Variants in GABRA3 observed in about 807,000 individuals in gnomAD.
GABRA3 encodes gamma-aminobutyric acid receptor subunit alpha-3.
In GABRA3, 10 loss-of-function variants were observed where a neutral mutation model predicts 30.1. The observed-to-expected ratio is 0.33, with a 90% CI of 0.20 to 0.56. GABRA3 has a LOEUF of 0.56. Ranked by LOEUF, GABRA3 falls within the 20% of genes least tolerant of loss-of-function variation. The probability of loss-of-function intolerance (pLI) is 0.89; values close to 1 mark genes in which losing one functional copy is unlikely to be tolerated. For synonymous variants in GABRA3, 151 were observed against 146.8 expected, an observed-to-expected ratio of 1.03 and a Z score of -0.21; for missense variants, 233 against 392.0, an observed-to-expected ratio of 0.59 and a Z score of 3.42.
At chrX:152,347,577 T>C (rs1244371358) in intron 2 of GABRA3, among the ~76,000 whole-genome samples, 2 of 111,188 alleles carry the variant, frequency 1.8e-5, no homozygotes, top group Non-Finnish European at 3.8e-5. Flanking sequence ...TATCAAAACA[T>C]CTCACGCACC....
chrX:152,334,758 C>A (rs866554055), intron 3 of GABRA3, among the ~76,000 whole-genome samples: 5 of 108,000 alleles, frequency 4.6e-5, no homozygotes, highest in South Asian at 7.9e-4. Context: ...TACATAAAAT[C>A]AAAAAAAAAT....
chrX:152,273,013 G>A lies in GABRA3; in HGVS notation c.330+11655C>T, dbSNP rs1166220426. The stretch of plus-strand genomic sequence containing the variant: ...CTTGGGCAGTTCTTTATAGCAGCAG[G>A]AGAATGGACTAACACACCATCTGAC... On this transcript the variant is annotated intron_variant, in intron 4 of 9. Coordinates refer to ENST00000370314, the MANE Select transcript of GABRA3 (RefSeq NM_000808.4). 2.7e-5 allele frequency among the ~76,000 whole-genome samples: 3 copies of A among 111,500 alleles called. No homozygotes were observed. The East Asian group carries it at 8.4e-4, about 31-fold the overall frequency.
intron 9 of GABRA3, among the ~76,000 whole-genome samples, chrX:152,169,493 G>A (rs956646396): frequency 8.9e-6 from 1 of 112,042 alleles, no homozygotes; most frequent in African/African-American, 3.2e-5. Context: ...ATGAACTTGT[G>A]TATACAGAGA....
intron 3 of GABRA3, among the ~76,000 whole-genome samples, chrX:152,290,271 G>A (rs1472669425): frequency 8.9e-6 from 1 of 112,235 alleles, no homozygotes. Context: ...CAGTGATGAT[G>A]AGCATTTTTT....
intron 4 of GABRA3, among the ~76,000 whole-genome samples, chrX:152,261,339 C>T (rs765271654): frequency 2.5e-4 from 28 of 111,664 alleles, no homozygotes; most frequent in African/African-American, 8.8e-4. Context: ...TCCCCAAATT[C>T]TTAACTAACT....
At chrX:152,362,547 A>G (rs1928537784) in intron 2 of GABRA3, among the ~76,000 whole-genome samples, 1 of 111,703 alleles carries the variant, frequency 9.0e-6, no homozygotes, top group African/African-American at 3.3e-5. Flanking sequence ...TAAATAGGGT[A>G]GGTATGGTCA....
chrX:152,206,424 G>C, intron 7 of GABRA3, among the ~76,000 whole-genome samples: 1 of 111,954 alleles, frequency 8.9e-6, no homozygotes, highest in Middle Eastern at 4.6e-3. Context: ...GGGACAGGAG[G>C]GTGTGTGAAA....
intron 3 of GABRA3, 89 bp downstream of exon 3, chrX:152,345,492 A>C (rs1940377194): frequency 1.0e-6 from 1 of 989,864 alleles, no homozygotes; most frequent in Non-Finnish European, 1.4e-6. Context: ...TGGCCAATAG[A>C]CTACTGAAGG....
intron 3 of GABRA3, among the ~76,000 whole-genome samples, chrX:152,290,726 A>C (rs192757335): frequency 1.8e-3 from 200 of 111,955 alleles, no homozygotes; most frequent in Middle Eastern, 4.6e-3. Context: ...TCAACTTTCT[A>C]CATATGGCTA....
chrX:152,212,406 A>G (rs942850727), intron 6 of GABRA3, among the ~76,000 whole-genome samples: 1 of 106,973 alleles, frequency 9.3e-6, no homozygotes, highest in Non-Finnish European at 1.9e-5. Context: ...TAGTCCCCAG[A>G]AGAAACTTCT....
intron 3 of GABRA3, among the ~76,000 whole-genome samples, chrX:152,343,396 G>A (rs1410368178): frequency 5.0e-4 from 53 of 105,805 alleles, no homozygotes; most frequent in Non-Finnish European, 6.8e-4. Flanking sequence ...AGTAAATCTG[G>A]TCCTTATTTT....
intron 6 of GABRA3, among the ~76,000 whole-genome samples, chrX:152,209,256 G>A (rs1240311055): frequency 4.5e-5 from 5 of 111,487 alleles, no homozygotes; most frequent in Non-Finnish European, 9.4e-5. Flanking sequence ...TAACAGGGGC[G>A]TGAGTAAGGG....
At chrX:152,230,163 G>C (rs1938040200) in intron 5 of GABRA3, among the ~76,000 whole-genome samples, 1 of 111,445 alleles carries the variant, frequency 9.0e-6, no homozygotes, top group East Asian at 2.8e-4. Flanking sequence ...ATTAGATCTT[G>C]GTGATGGTTG....
chrX:152,439,750 A>G (rs2124551057), intron 1 of GABRA3, among the ~76,000 whole-genome samples: 1 of 112,076 alleles, frequency 8.9e-6, no homozygotes, highest in South Asian at 3.7e-4. Flanking sequence ...AATAATAAAG[A>G]ATAAACAATA....
In GABRA3 at chrX:152,368,229, T is replaced by C. The variant is rs1034268590; in HGVS notation, c.-26-3633A>G. Reference sequence around the variant, plus strand: ...GTCACCATGTTGTACAAGAAATCTCTTGGACTTATTCCTCCTATATAACTG... The same window carrying C: ...GTCACCATGTTGTACAAGAAATCTCCTGGACTTATTCCTCCTATATAACTG... On this transcript the variant is annotated intron_variant, in intron 1 of 9. Transcript: ENST00000370314. Among the ~76,000 whole-genome samples the C allele has an allele frequency of 6.3e-5, 7 of 111,946 alleles. No individual in the cohort carries two copies. In the Admixed American group the frequency reaches 6.7e-4, roughly 11 times the overall value.
At chrX:152,227,237 A>G (rs1169528101) in intron 5 of GABRA3, among the ~76,000 whole-genome samples, 1 of 107,969 alleles carries the variant, frequency 9.3e-6, no homozygotes, top group Non-Finnish European at 1.9e-5. Context: ...TTGTAGGGAC[A>G]TGGATGAAAT....
intron 1 of GABRA3, among the ~76,000 whole-genome samples, chrX:152,429,021 A>G (rs1193927846): frequency 9.0e-6 from 1 of 111,621 alleles, no homozygotes; most frequent in Non-Finnish European, 1.9e-5. Context: ...GAACACAGCC[A>G]AGCCCTTGTG....
At position 152,179,168 on chromosome X, in the gene GABRA3, T is replaced by C. The variant is rs769727237; in HGVS notation, c.1143+10562A>G. 2.7e-5 allele frequency among the ~76,000 whole-genome samples: 3 copies of C among 112,051 alleles called. No homozygotes were observed. In the South Asian group the frequency reaches 1.1e-3, roughly 41 times the overall value. ...TATAATTTTTATTTCTATTTATTCA[T>C]TTTTAATTGACAAATGAAATTGCAT... is the stretch of plus-strand genomic sequence containing the variant. On this transcript the variant is annotated intron_variant, in intron 9 of 9. Transcript: ENST00000370314.
chrX:152,307,770 A>G lies in GABRA3; in HGVS notation c.263-23035T>C, dbSNP rs1256084682. 2.7e-5 allele frequency among the ~76,000 whole-genome samples: 3 copies of G among 111,726 alleles called. No individual in the cohort carries two copies. The Admixed American group carries it at 2.8e-4, about 11-fold the overall frequency. ...CCTGGTCCTGAGTAACTCATGGAGA[A>G]GGGGTGAGTTAAATAGGCATGGAGT... On this transcript the variant is annotated intron_variant, in intron 3 of 9. Transcript: ENST00000370314.
Sources: allele counts gnomAD v4.1 joint callset (sites outside exome capture counted in the v4.1 genomes callset), GRCh38; gene constraint gnomAD v4.1.1; transcripts MANE v1.5; gene names NCBI Gene and HGNC (gene_info 2026-07-23, HGNC 2026-07-21).